The following POLDIP2 variants were observed in gnomAD, a reference collection of about 807,000 sequenced individuals.
POLDIP2 encodes DNA polymerase delta interacting protein 2.
A neutral mutation model predicts 52.9 loss-of-function variants in POLDIP2; 32 were observed. The observed-to-expected ratio is 0.61, with a 90% CI of 0.46 to 0.81. The LOEUF (loss-of-function observed/expected upper bound fraction) is 0.81, where lower values mean the gene tolerates loss of function less well. Among genes scored for constraint, POLDIP2 ranks in the 40% least tolerant of loss-of-function variants. POLDIP2 has a pLI of 0.00. For synonymous variants in POLDIP2, 183 were observed against 183.0 expected (o/e 1.00, Z 0.00); for missense variants, 371 against 477.3 (o/e 0.78, Z 2.07).
rs1907909792 is a variant in POLDIP2, at chr17:28,353,684, T to C, written c.438+11A>G. On this transcript the variant is annotated intron_variant, in intron 4 of 10. Transcript: ENST00000540200. ...AGAGGACCCCCAAGCCCAGCCATCT[T>C]GCTTACTTACTATATGTGGGCAGTC... The C allele has an allele frequency of 1.9e-6, 3 of 1,593,250 alleles. No individual in the cohort carries two copies. Among genetic ancestry groups the C allele is most frequent in the Non-Finnish European group, 2.6e-6 (3 of 1,161,556 alleles).
intron 3 of POLDIP2, among the ~76,000 whole-genome samples, chr17:28,354,123 C>T (rs572942735): frequency 6.6e-6 from 1 of 152,284 alleles, no homozygotes; most frequent in Non-Finnish European, 1.5e-5. Flanking sequence ...TGTCTGTGAT[C>T]ACTTAATGGG....
At chr17:28,355,570 G>A (rs1402143971) in intron 2 of POLDIP2, among the ~76,000 whole-genome samples, 2 of 152,016 alleles carry the variant, frequency 1.3e-5, no homozygotes, top group Non-Finnish European at 2.9e-5. Flanking sequence ...CCATGCCATT[G>A]CACTCCAGCC....
At position 28,354,489 on chromosome 17, in the gene POLDIP2, T is replaced by C; in HGVS notation, c.340A>G (p.Lys114Glu). Residue 114 changes from lysine to glutamate, a missense_variant and splice_region_variant, in exon 3 of 11, where the codon AAA (lysine) becomes GAA (glutamate). Lys to Glu is a moderately conservative substitution (Grantham distance 56). Coordinates refer to ENST00000540200, the MANE Select transcript of POLDIP2 (RefSeq NM_015584.5). ...DRDVASAAPE[K>E]AENPAGHGSK... The stretch of plus-strand genomic sequence containing the variant: ...AGGCACAACCACAGGGAAACTTACT[T>C]TTCTGGAGCTGCAGAAGCCACATCC... The C allele has an allele frequency of 6.4e-7, 1 of 1,552,238 alleles. No homozygotes were observed. Among genetic ancestry groups the C allele is most frequent in the Middle Eastern group, 1.7e-4 (1 of 5,994 alleles).
In POLDIP2 at chr17:28,350,540, C is replaced by T; in HGVS notation, c.810G>A (p.Glu270=). The T allele has an allele frequency of 6.2e-7, 1 of 1,613,834 alleles. No individual in the cohort carries two copies. Among genetic ancestry groups the T allele is most frequent in the Non-Finnish European group, 8.5e-7 (1 of 1,179,836 alleles). ...VYWWRYCIRL[E]NLDSDVVQLR... ...GCTGTACCACATCACTGTCAAGGTT[C>T]TCCAAACGGATACAGTAGCGCCACT... The change falls in exon 9 of 11, where the codon GAG becomes GAA. Residue 270 remains glutamate, a synonymous_variant. Coordinates refer to ENST00000540200, the MANE Select transcript of POLDIP2 (RefSeq NM_015584.5).
intron 6 of POLDIP2, among the ~76,000 whole-genome samples, chr17:28,352,699 C>A (rs540394093): frequency 2.0e-5 from 3 of 152,228 alleles, no homozygotes; most frequent in Non-Finnish European, 4.4e-5. Flanking sequence ...CCACCACGCC[C>A]AGCTAATTTT....
Position 28,350,812 on chromosome 17 carries a change from A to C in POLDIP2, c.760-20T>G, listed in dbSNP as rs1469441695. The stretch of plus-strand genomic sequence containing the variant: ...GGCTTCCTAGGGAGAAAACAAAAAG[A>C]ATTTAAGTCCCACAGGGCAAGACCA... On this transcript the variant is annotated intron_variant, in intron 7 of 10. Coordinates refer to ENST00000540200, the MANE Select transcript of POLDIP2 (RefSeq NM_015584.5). 1.3e-6 allele frequency: 2 copies of C among 1,573,124 alleles called. No individual in the cohort carries two copies. The highest frequency in any genetic ancestry group is 1.7e-6 in the Non-Finnish European group (2 of 1,158,144).
Position 28,353,811 on chromosome 17 carries a change from G to T in POLDIP2, c.342-20C>A. On this transcript the variant is annotated intron_variant, in intron 3 of 10. Coordinates refer to ENST00000540200, the MANE Select transcript of POLDIP2 (RefSeq NM_015584.5). Reference sequence around the variant, plus strand: ...TCTGCTCTATGGGGTGGGAGAAGGAGGCCAAGATCACCCCAGGAGAAATGG... The same window carrying T: ...TCTGCTCTATGGGGTGGGAGAAGGATGCCAAGATCACCCCAGGAGAAATGG... 1 of 1,511,040 alleles carries T rather than the reference G, an allele frequency of 6.6e-7. No individual in the cohort carries two copies. Among genetic ancestry groups the T allele is most frequent in the Non-Finnish European group, 9.2e-7 (1 of 1,086,200 alleles). 93.6% of individuals were successfully genotyped at this position (1,511,040 alleles called of 1,614,324 possible). A position where few individuals can be genotyped will look rare whatever the true frequency, so the allele number is the denominator to read the frequency against.
In POLDIP2 at chr17:28,352,927, A is replaced by T; in HGVS notation, c.607T>A (p.Tyr203Asn). The change falls in exon 6 of 11, where the codon TAT becomes AAT. Residue 203 changes from tyrosine (Y) to asparagine (N), a missense_variant. By Grantham distance (143) the Tyr-to-Asn change is moderately radical (BLOSUM62 -2). Transcript: ENST00000540200. ...QHELFERFLL[Y>N]DQTKAPPFVA... ...GAGAGATTACCTTTTGTCTGGTCAT[A>T]CAGAAGAAATCTTTCAAAGAGTTCA... is the stretch of plus-strand genomic sequence containing the variant. 7 of 1,588,784 alleles carry T rather than the reference A, an allele frequency of 4.4e-6. No individual in the cohort carries two copies. The highest frequency in any genetic ancestry group is 6.1e-6 in the Non-Finnish European group (7 of 1,156,966).
In POLDIP2 at chr17:28,346,733, T is replaced by C. The variant is rs1907583194; in HGVS notation, c.*1384A>G. On this transcript the variant is annotated 3_prime_UTR_variant, in exon 11 of 11. Coordinates refer to ENST00000540200, the MANE Select transcript of POLDIP2 (RefSeq NM_015584.5). The stretch of plus-strand genomic sequence containing the variant: ...AGAAAGCAACTCTTGGCTGTGTGCA[T>C]TTTTCAACTCCAAGCAGCCCAGGGG... 6.6e-6 allele frequency: 1 copy of C among 152,220 alleles called. No individual in the cohort carries two copies. Among genetic ancestry groups the C allele is most frequent in the Non-Finnish European group, 1.5e-5 (1 of 68,032 alleles). 9.4% of individuals were successfully genotyped at this position (152,220 alleles called of 1,614,324 possible).
chr17:28,354,322 C>G (rs917521166), intron 3 of POLDIP2, among the ~76,000 whole-genome samples, 166 bp downstream of exon 3: 2 of 152,150 alleles, frequency 1.3e-5, no homozygotes, highest in Middle Eastern at 3.2e-3. Flanking sequence ...TTAGACTATC[C>G]CTGGCACTCA....
intron 6 of POLDIP2, among the ~76,000 whole-genome samples, chr17:28,352,239 T>TTTTTTTTTTTC (rs1907825380): frequency 7.8e-6 from 1 of 128,058 alleles, no homozygotes; most frequent in Non-Finnish European, 1.6e-5. Context: ...AATTATTTCT[T>TTTTTTTTTTTC]TTTTTTTTTT....
chr17:28,348,266 A>G (rs782685925), intron 10 of POLDIP2, 35 bp from the exon 11 acceptor site: 3 of 1,432,222 alleles, frequency 2.1e-6, no homozygotes, highest in Non-Finnish European at 3.0e-6. Context: ...AGAAGGAGCC[A>G]GGGCTGAGGC....
chr17:28,353,076 G>A (rs1907870945), intron 5 of POLDIP2, 57 bp from the exon 6 acceptor site: 1 of 791,454 alleles, frequency 1.3e-6, no homozygotes, highest in Non-Finnish European at 2.3e-6. Context: ...GAGAGATGGG[G>A]TTGAGAAGAA....
At chr17:28,348,581 G>A (rs1034113513) in intron 10 of POLDIP2, among the ~76,000 whole-genome samples, 10 of 152,136 alleles carry the variant, frequency 6.6e-5, no homozygotes, top group African/African-American at 1.9e-4. Flanking sequence ...GCGTGGTGGC[G>A]CATGCCTGTA....
At chr17:28,349,824 T>C (rs1490834908) in intron 9 of POLDIP2, among the ~76,000 whole-genome samples, 1 of 152,230 alleles carries the variant, frequency 6.6e-6, no homozygotes, top group African/African-American at 2.4e-5. Flanking sequence ...TATGCTAATA[T>C]ATAACTCAGC....
Position 28,350,796 on chromosome 17 carries a change from G to T in POLDIP2, c.760-4C>A. 1 of 1,584,500 alleles carries T rather than the reference G, an allele frequency of 6.3e-7. No homozygotes were observed. Among genetic ancestry groups the T allele is most frequent in the Non-Finnish European group, 8.6e-7 (1 of 1,164,920 alleles). On this transcript the variant is annotated splice_region_variant and splice_polypyrimidine_tract_variant and intron_variant, in intron 7 of 10. Transcript: ENST00000540200. ...ACACGTGGGAATTCTGGGCTTCCTA[G>T]GGAGAAAACAAAAAGAATTTAAGTC...
chr17:28,355,049 A>G (rs1907961515), intron 2 of POLDIP2, among the ~76,000 whole-genome samples: 1 of 152,260 alleles, frequency 6.6e-6, no homozygotes, highest in Non-Finnish European at 1.5e-5. Context: ...CAGTGGACCC[A>G]GAACAAAGCT....
At chr17:28,349,027 C>G (rs1907694928) in intron 10 of POLDIP2, 56 bp downstream of exon 10, 16 of 1,280,996 alleles carry the variant, frequency 1.2e-5, no homozygotes, top group East Asian at 9.6e-5. Flanking sequence ...CTTTTCTGAC[C>G]TACAGCTTCT....
At chr17:28,353,835 G>T in intron 3 of POLDIP2, 44 bp from the exon 4 acceptor site, 1 of 1,325,146 alleles carries the variant, frequency 7.5e-7, no homozygotes, top group South Asian at 1.2e-5. Context: ...CAGGAGAAAT[G>T]GAAGCTGTGG....
Sources: gnomAD v4.1 joint callset for allele counts (sites outside exome capture counted in the v4.1 genomes callset) on GRCh38, gnomAD v4.1.1 for gene constraint, MANE v1.5 for transcripts, NCBI Gene and HGNC (gene_info 2026-07-23, HGNC 2026-07-21) for gene names.